ARHGAP26: variants seen among roughly 807,000 people sequenced by gnomAD.
ARHGAP26 encodes rho GTPase-activating protein 26.
ARHGAP26 carries 38 observed loss-of-function variants against 104.8 expected under a neutral mutation model. The observed-to-expected ratio is 0.36, with a 90% CI of 0.28 to 0.48. ARHGAP26 has a LOEUF of 0.48. ARHGAP26 is among the 20% of genes least tolerant of loss of function. The probability of loss-of-function intolerance (pLI) is 0.99; values close to 1 mark genes in which losing one functional copy is unlikely to be tolerated. For synonymous variants in ARHGAP26, 341 were observed against 340.0 expected, an observed-to-expected ratio of 1.00 and a Z score of -0.03; for missense variants, 704 against 947.9, an observed-to-expected ratio of 0.74 and a Z score of 3.38.
intron 1 of ARHGAP26, among the ~76,000 whole-genome samples, chr5:142,854,708 T>A (rs145558910): frequency 9.8e-5 from 15 of 152,306 alleles, no homozygotes; most frequent in Admixed American, 2.0e-4. Flanking sequence ...GTTACTGATA[T>A]GAGACCGAGT....
chr5:142,990,753 C>T (rs1285898784), intron 11 of ARHGAP26, among the ~76,000 whole-genome samples: 1 of 152,184 alleles, frequency 6.6e-6, no homozygotes, highest in Admixed American at 6.5e-5. Context: ...GCCTGAGTAT[C>T]ACCAGTGGAG....
chr5:142,799,463 T>G (rs1363356486), intron 1 of ARHGAP26, among the ~76,000 whole-genome samples: 3 of 152,050 alleles, frequency 2.0e-5, no homozygotes, highest in Non-Finnish European at 4.4e-5. Context: ...GTCCCAAGAG[T>G]GGATGCTTTG....
intron 1 of ARHGAP26, among the ~76,000 whole-genome samples, chr5:142,811,185 C>T (rs1278032721): frequency 9.2e-5 from 14 of 152,148 alleles, no homozygotes; most frequent in Admixed American, 5.9e-4. Context: ...CCAGTGCATA[C>T]GGACTTTGCT....
chr5:143,199,876 C>T (rs894237958), intron 20 of ARHGAP26, among the ~76,000 whole-genome samples: 5 of 152,266 alleles, frequency 3.3e-5, no homozygotes, highest in African/African-American at 1.2e-4. Flanking sequence ...TTTGAAAGTC[C>T]TACACTAAGC....
chr5:142,921,607 G>A (rs565712479), intron 10 of ARHGAP26: 1 of 167,180 alleles, frequency 6.0e-6, no homozygotes, highest in Non-Finnish European at 1.5e-5. Context: ...AAGATCTGAA[G>A]AATCTACTGG....
chr5:143,186,643 A>C (rs1805178480), intron 20 of ARHGAP26, among the ~76,000 whole-genome samples: 1 of 152,208 alleles, frequency 6.6e-6, no homozygotes. Flanking sequence ...TGACACCTCC[A>C]TGTGAACATG....
At chr5:143,118,121 G>A (rs1208608037) in intron 17 of ARHGAP26, among the ~76,000 whole-genome samples, 1 of 152,206 alleles carries the variant, frequency 6.6e-6, no homozygotes, top group Non-Finnish European at 1.5e-5. Context: ...CATTTGAGCT[G>A]AGCCTTGCAT....
intron 1 of ARHGAP26, among the ~76,000 whole-genome samples, chr5:142,819,746 A>G (rs1289963040): frequency 1.3e-5 from 2 of 152,254 alleles, no homozygotes; most frequent in African/African-American, 4.8e-5. Context: ...CAATTTCACA[A>G]TCATTACATA....
At chr5:143,008,423 T>C in intron 11 of ARHGAP26, among the ~76,000 whole-genome samples, 1 of 152,194 alleles carries the variant, frequency 6.6e-6, no homozygotes, top group East Asian at 1.9e-4. Context: ...GATGAGATGA[T>C]ATTCGATGGT....
intron 17 of ARHGAP26, among the ~76,000 whole-genome samples, chr5:143,090,017 A>G (rs1293894515): frequency 1.3e-5 from 2 of 152,262 alleles, no homozygotes; most frequent in African/African-American, 4.8e-5. Flanking sequence ...GGGATGAACA[A>G]GGGCTGACTG....
rs70991782 is a variant in ARHGAP26, at chr5:142,867,288, GGTGTGTGTGTGTGTGTGTGT to G, written c.155-6091_155-6072del. 0.019 allele frequency among the ~76,000 whole-genome samples: 2,745 copies of G among 143,692 alleles called. 181 individuals carry two copies. The East Asian group carries it at 0.26, about 14-fold the overall frequency. The allele number at this position is 143,692 out of a possible 152,430, so 94.3% of individuals were successfully genotyped here. A position where few individuals can be genotyped will look rare whatever the true frequency, so the allele number is the denominator to read the frequency against. On this transcript the variant is annotated intron_variant, in intron 1 of 22. Transcript: ENST00000645722. ...TTGTTTCATTCTAAGATTTGCACAG[GGTGTGTGTGTGTGTGTGTGT>G]GTGTGTGTGTGTGTGTGTGTTTTGT...
intron 1 of ARHGAP26, chr5:142,867,900 C>T (rs963503138): frequency 1.3e-5 from 2 of 152,022 alleles, no homozygotes; most frequent in Non-Finnish European, 2.9e-5. Flanking sequence ...GGGAGGTTCA[C>T]CTCTGATGAA....
chr5:142,788,462 A>C (rs985818940), intron 1 of ARHGAP26, among the ~76,000 whole-genome samples: 1 of 152,188 alleles, frequency 6.6e-6, no homozygotes, highest in Non-Finnish European at 1.5e-5. Context: ...AGCATGATTT[A>C]AATTTATTTG....
intron 20 of ARHGAP26, among the ~76,000 whole-genome samples, chr5:143,171,100 G>A (rs2151128186): frequency 6.6e-6 from 1 of 152,306 alleles, no homozygotes. Context: ...GATAAAAATG[G>A]ATTCCAAGGA....
chr5:142,984,786 A>C (rs1193769476), intron 11 of ARHGAP26, among the ~76,000 whole-genome samples: 1 of 152,198 alleles, frequency 6.6e-6, no homozygotes, highest in Non-Finnish European at 1.5e-5. Flanking sequence ...GCTGGTGTAA[A>C]CAAACCTACC....
chr5:143,126,756 C>T (rs946241645), intron 18 of ARHGAP26, among the ~76,000 whole-genome samples: 2 of 152,124 alleles, frequency 1.3e-5, no homozygotes, highest in Non-Finnish European at 2.9e-5. Flanking sequence ...GATGGTGTAG[C>T]TCTTTTTAGC....
intron 11 of ARHGAP26, among the ~76,000 whole-genome samples, chr5:143,012,550 T>TATATATATATATATATATATATAC (rs1778935977): frequency 5.0e-5 from 3 of 60,068 alleles, no homozygotes; most frequent in Non-Finnish European, 1.3e-4. Flanking sequence ...TATACATACA[T>TATATATATATATATATATATATAC]ACATATATAT....
chr5:142,806,538 A>C (rs1362046186), intron 1 of ARHGAP26, among the ~76,000 whole-genome samples: 1 of 151,156 alleles, frequency 6.6e-6, no homozygotes, highest in Non-Finnish European at 1.5e-5. Flanking sequence ...GAAATTCCCA[A>C]ATCTGGGGAC....
At chr5:142,968,726 G>A (rs1771786069) in intron 11 of ARHGAP26, among the ~76,000 whole-genome samples, 1 of 152,128 alleles carries the variant, frequency 6.6e-6, no homozygotes, top group East Asian at 1.9e-4. Context: ...TTTGCTTTTT[G>A]TAGTCTTTGT....
Sources: gnomAD v4.1 joint callset for allele counts (sites outside exome capture counted in the v4.1 genomes callset) on GRCh38, gnomAD v4.1.1 for gene constraint, MANE v1.5 for transcripts, NCBI Gene and HGNC (gene_info 2026-07-23, HGNC 2026-07-21) for gene names.